The following FNBP1L variants were observed in gnomAD, a reference collection of about 807,000 sequenced individuals.
FNBP1L encodes the protein formin-binding protein 1-like.
Under a neutral mutation model 91.2 loss-of-function variants are expected in FNBP1L, and 36 were observed. The observed-to-expected ratio is 0.39, with a 90% CI of 0.30 to 0.52. FNBP1L has a LOEUF of 0.52. Ranked by LOEUF, FNBP1L falls within the 20% of genes least tolerant of loss-of-function variation. The pLI, the probability that FNBP1L is intolerant of heterozygous loss-of-function variation, is 0.66. For synonymous variants in FNBP1L, 242 were observed against 237.0 expected, an observed-to-expected ratio of 1.02 and a Z score of -0.19; for missense variants, 571 against 732.1, an observed-to-expected ratio of 0.78 and a Z score of 2.54.
At chr1:93,513,540 A>G (rs1272604072) in intron 2 of FNBP1L, among the ~76,000 whole-genome samples, 1 of 150,984 alleles carries the variant, frequency 6.6e-6, no homozygotes, top group African/African-American at 2.4e-5. Flanking sequence ...GGCAAACCGA[A>G]TCCAGCAGCA....
At chr1:93,516,721 A>G (rs6541383) in intron 2 of FNBP1L, among the ~76,000 whole-genome samples, 23,504 of 152,128 alleles carry the variant, frequency 0.15, 2,026 homozygotes, top group Middle Eastern at 0.19. Flanking sequence ...CAGGAGAAAA[A>G]AAAAAAGTAG....
At chr1:93,520,273 A>G (rs1671279530) in intron 2 of FNBP1L, among the ~76,000 whole-genome samples, 1 of 152,204 alleles carries the variant, frequency 6.6e-6, no homozygotes, top group South Asian at 2.1e-4. Context: ...AGTGGCATTA[A>G]TTGATACTAA....
intron 2 of FNBP1L, 56 bp downstream of exon 2, chr1:93,499,639 A>G: frequency 1.0e-6 from 1 of 993,300 alleles, no homozygotes; most frequent in Non-Finnish European, 1.5e-6. Context: ...AAACAGTTGA[A>G]TATTAGAGGA....
At position 93,544,138 on chromosome 1, in the gene FNBP1L, C is replaced by A; in HGVS notation, c.1196C>A (p.Pro399Gln). ...GCACTAGAAGATTTCAGTCATCTGC[C>A]ACCAGAACAGAGACGTAAAAAACTA... ...GPALEDFSHLPPEQRRKKLQQ... is the reference protein window; with the variant it reads ...GPALEDFSHLQPEQRRKKLQQ... Residue 399 changes from proline to glutamine, a missense_variant, in exon 12 of 17, where the codon CCA becomes CAA. Physicochemically the swap from Pro to Gln is moderately conservative, Grantham distance 76. Around this residue, in one of 5 missense-constraint regions of FNBP1L, gnomAD observed 150 missense variants for 155.9 expected, o/e 0.96. Transcript: ENST00000271234. 6.2e-7 allele frequency: 1 copy of A among 1,610,762 alleles called. No individual in the cohort carries two copies. Among genetic ancestry groups the A allele is most frequent in the Non-Finnish European group, 8.5e-7 (1 of 1,178,086 alleles).
intron 8 of FNBP1L, among the ~76,000 whole-genome samples, chr1:93,533,335 G>A (rs1671746487): frequency 6.6e-6 from 1 of 151,940 alleles, no homozygotes; most frequent in South Asian, 2.1e-4. Context: ...TCTAACCTAG[G>A]AACTGTGTGT....
At chr1:93,545,454 A>G (rs1358257811) in intron 12 of FNBP1L, among the ~76,000 whole-genome samples, 1 of 152,158 alleles carries the variant, frequency 6.6e-6, no homozygotes, top group Non-Finnish European at 1.5e-5. Flanking sequence ...CTTGCCATGG[A>G]CTGGAATTAG....
intron 1 of FNBP1L, among the ~76,000 whole-genome samples, chr1:93,497,223 A>T (rs1418969849): frequency 6.6e-6 from 1 of 152,176 alleles, no homozygotes; most frequent in Non-Finnish European, 1.5e-5. Flanking sequence ...CGGCCTCCCA[A>T]AGTGCTGGGA....
At chr1:93,476,848 T>C (rs1010604804) in intron 1 of FNBP1L, among the ~76,000 whole-genome samples, 2 of 152,216 alleles carry the variant, frequency 1.3e-5, no homozygotes, top group African/African-American at 4.8e-5. Flanking sequence ...GTTACTGAAG[T>C]TGATAAGGTG....
chr1:93,462,963 C>G lies in FNBP1L; in HGVS notation c.24+14658C>G, dbSNP rs921681471. Among the ~76,000 whole-genome samples the G allele has an allele frequency of 4.6e-5, 7 of 152,042 alleles. 1 individual carries two copies. The highest frequency in any genetic ancestry group is 2.0e-4 in the Admixed American group (3 of 15,260). On this transcript the variant is annotated intron_variant, in intron 1 of 16. Transcript: ENST00000271234. ...GAGTTCTTTTGCATAGGAGATTTGT[C>G]TTTTCTCCTCCATCTATTTATTCAT...
At chr1:93,496,201 A>AT (rs1481658919) in intron 1 of FNBP1L, among the ~76,000 whole-genome samples, 1 of 151,232 alleles carries the variant, frequency 6.6e-6, no homozygotes, top group African/African-American at 2.4e-5. Context: ...TTAAATATTA[A>AT]TTTTTTCCTT....
In FNBP1L at chr1:93,549,349, A is replaced by G. The variant is rs201967018; in HGVS notation, c.1574A>G (p.Asn525Ser). 7.1e-5 allele frequency: 115 copies of G among 1,613,042 alleles called. No individual in the cohort carries two copies. In the African/African-American group the frequency reaches 1.4e-3, roughly 20 times the overall value. Residue 525 changes from asparagine to serine, a missense_variant, in exon 15 of 17, where the codon AAT becomes AGT. Transcript: ENST00000271234. ...RGPPQQHGHH[N>S]EFDDEFEDDD... ...CCACCCCAGCAGCATGGTCACCACA[A>G]TGAGTTTGATGATGAATTTGAGGAT...
At chr1:93,472,125 G>C (rs1365476446) in intron 1 of FNBP1L, among the ~76,000 whole-genome samples, 4 of 152,168 alleles carry the variant, frequency 2.6e-5, no homozygotes, top group African/African-American at 9.7e-5. Context: ...CCAGAAATTT[G>C]TGTTTTTTGA....
chr1:93,523,292 A>G lies in FNBP1L; in HGVS notation c.195-52A>G, dbSNP rs1384708835. The G allele has an allele frequency of 3.9e-6, 6 of 1,538,288 alleles. No individual in the cohort carries two copies. The East Asian group carries it at 1.2e-4, about 30-fold the overall frequency. ...TAGATTCAGTCCATACCTCACCAAC[A>G]TTTGTAATGAAAATAAAAGTAAGTC... is the stretch of plus-strand genomic sequence containing the variant. On this transcript the variant is annotated intron_variant, in intron 3 of 16. Coordinates refer to ENST00000271234, the MANE Select transcript of FNBP1L (RefSeq NM_001164473.3).
chr1:93,511,228 G>T (rs564861470), intron 2 of FNBP1L, among the ~76,000 whole-genome samples: 1 of 152,306 alleles, frequency 6.6e-6, no homozygotes, highest in African/African-American at 2.4e-5. Context: ...ACCCTCAAAG[G>T]TAAGCCCATC....
At chr1:93,528,084 C>A (rs577256971) in intron 5 of FNBP1L, among the ~76,000 whole-genome samples, 9 of 152,068 alleles carry the variant, frequency 5.9e-5, no homozygotes, top group Admixed American at 2.0e-4. Flanking sequence ...GGAGACTCAT[C>A]CAGTAGGTTC....
Position 93,513,468 on chromosome 1 carries a change from AAAGAG to A in FNBP1L, c.141-8611_141-8607del, listed in dbSNP as rs1423107977. Among the ~76,000 whole-genome samples the A allele has an allele frequency of 3.3e-5, 5 of 152,260 alleles. No individual in the cohort carries two copies. In the East Asian group the frequency reaches 9.6e-4, roughly 29 times the overall value. On this transcript the variant is annotated intron_variant, in intron 2 of 16. Transcript: ENST00000271234. The stretch of plus-strand genomic sequence containing the variant: ...AAAGCCGGGCAGAGACACAACCAGA[AAAGAG>A]AATTTTAGACCAATATCCTTGATGA...
chr1:93,496,207 T>C (rs1232194226), intron 1 of FNBP1L, among the ~76,000 whole-genome samples: 1 of 151,892 alleles, frequency 6.6e-6, no homozygotes, highest in Admixed American at 6.6e-5. Context: ...ATTAATTTTT[T>C]CCTTCCCTCT....
intron 1 of FNBP1L, among the ~76,000 whole-genome samples, chr1:93,465,279 G>A (rs1274265258): frequency 6.6e-6 from 1 of 151,874 alleles, no homozygotes; most frequent in Non-Finnish European, 1.5e-5. Context: ...AGGTATGCAT[G>A]TGCCATGTTG....
intron 12 of FNBP1L, among the ~76,000 whole-genome samples, chr1:93,544,808 A>G (rs1381147695): frequency 2.0e-5 from 3 of 152,148 alleles, no homozygotes; most frequent in Non-Finnish European, 4.4e-5. Context: ...TGAAGTTTTG[A>G]TGCTAAGAAT....
Sources: gnomAD v4.1 joint callset for allele counts (sites outside exome capture counted in the v4.1 genomes callset) on GRCh38, gnomAD v4.1.1 for gene constraint, gnomAD v4.1.1 regional missense constraint, MANE v1.5 for transcripts, NCBI Gene and HGNC (gene_info 2026-07-23, HGNC 2026-07-21) for gene names.